Variants in KHDRBS2 observed in about 807,000 individuals in gnomAD.
The protein encoded by KHDRBS2 is KH RNA binding domain containing, signal transduction associated 2.
KHDRBS2 carries 26 observed loss-of-function variants against 44.3 expected under a neutral mutation model. That is an observed-to-expected ratio of 0.59 (90% CI 0.43 to 0.81). KHDRBS2 has a LOEUF of 0.81. Ranked by LOEUF, KHDRBS2 falls within the 40% of genes least tolerant of loss-of-function variation. The pLI is 0.00. For missense variants in KHDRBS2, 476 were observed against 433.1 expected (o/e 1.10, Z -0.88); for synonymous variants, 194 against 151.1 (o/e 1.28, Z -2.08).
the KHDRBS2 span, among the ~76,000 whole-genome samples, chr6:61,621,905 G>A: frequency 6.6e-6 from 1 of 152,148 alleles, no homozygotes; most frequent in Non-Finnish European, 1.5e-5. Context: ...AGGTATTTAG[G>A]TATTCTTTAG....
chr6:62,081,918 T>A (rs1797477399), intron 2 of KHDRBS2, among the ~76,000 whole-genome samples: 1 of 152,062 alleles, frequency 6.6e-6, no homozygotes, highest in Non-Finnish European at 1.5e-5. Flanking sequence ...AAAAGTCAGA[T>A]TTAAGTATTT....
chr6:61,852,775 A>G (rs1469959408), intron 6 of KHDRBS2, among the ~76,000 whole-genome samples: 1 of 152,160 alleles, frequency 6.6e-6, no homozygotes, highest in Non-Finnish European at 1.5e-5. Flanking sequence ...CACTTTTCTT[A>G]AATAATTTAT....
chr6:62,062,184 C>T (rs1374449274), intron 2 of KHDRBS2, among the ~76,000 whole-genome samples: 2 of 148,594 alleles, frequency 1.3e-5, no homozygotes, highest in Non-Finnish European at 3.0e-5. Context: ...TAATGGGAGA[C>T]TTTAACACCC....
chr6:61,765,691 T>A (rs899556676), intron 6 of KHDRBS2, among the ~76,000 whole-genome samples: 43 of 152,122 alleles, frequency 2.8e-4, no homozygotes, highest in East Asian at 3.9e-4. Context: ...AGGGTTTTTT[T>A]AAATCATAAA....
chr6:61,756,545 C>T (rs956652337), intron 6 of KHDRBS2, among the ~76,000 whole-genome samples: 2 of 152,200 alleles, frequency 1.3e-5, no homozygotes, highest in South Asian at 4.1e-4. Flanking sequence ...CAGGCATGAG[C>T]CACCATGCCC....
chr6:62,259,494 T>C (rs1418510776), intron 1 of KHDRBS2, among the ~76,000 whole-genome samples: 1 of 152,002 alleles, frequency 6.6e-6, no homozygotes, highest in Non-Finnish European at 1.5e-5. Flanking sequence ...ATTACTTCAT[T>C]ATATATTACT....
intron 6 of KHDRBS2, among the ~76,000 whole-genome samples, chr6:61,827,612 A>G (rs1791106544): frequency 2.0e-5 from 3 of 152,150 alleles, no homozygotes. Context: ...TTAACAAAAC[A>G]CCATAGACTG....
chr6:61,861,671 T>C (rs373319556), intron 6 of KHDRBS2, among the ~76,000 whole-genome samples: 155 of 149,504 alleles, frequency 1.0e-3, no homozygotes, highest in African/African-American at 3.4e-3. Flanking sequence ...TTTTTTTTTT[T>C]CTTAGGATTG....
chr6:62,063,081 AG>A (rs1483066848), intron 2 of KHDRBS2, among the ~76,000 whole-genome samples: 1 of 139,942 alleles, frequency 7.1e-6, no homozygotes, highest in African/African-American at 2.6e-5. Context: ...TAAACCAGGA[AG>A]AAGTTGAATC....
chr6:62,164,266 A>G (rs1019164291), intron 2 of KHDRBS2, among the ~76,000 whole-genome samples: 48 of 152,056 alleles, frequency 3.2e-4, no homozygotes, highest in African/African-American at 1.2e-3. Flanking sequence ...AATGGGAAGG[A>G]TAGTATTATT....
At chr6:61,616,835 A>C in the KHDRBS2 span, among the ~76,000 whole-genome samples, 1 of 152,166 alleles carries the variant, frequency 6.6e-6, no homozygotes, top group East Asian at 1.9e-4. Flanking sequence ...TTCCTCCCTG[A>C]CTTCCCAGTC....
intron 1 of KHDRBS2, among the ~76,000 whole-genome samples, chr6:62,177,967 C>A (rs145368381): frequency 0.012 from 1,812 of 151,440 alleles, 37 homozygotes; most frequent in African/African-American, 0.042. Flanking sequence ...ATTTTTGAAT[C>A]AATTTATTCC....
intron 2 of KHDRBS2, among the ~76,000 whole-genome samples, chr6:62,089,492 C>A (rs1799089202): frequency 6.6e-6 from 1 of 152,106 alleles, no homozygotes; most frequent in Non-Finnish European, 1.5e-5. Flanking sequence ...AGTTCCCTGA[C>A]CCCTTGCACT....
chr6:61,954,841 T>C lies in KHDRBS2; in HGVS notation c.483+23225A>G, dbSNP rs1282288598. Among the ~76,000 whole-genome samples the C allele has an allele frequency of 1.4e-4, 11 of 78,760 alleles. 2 individuals carry two copies. Among genetic ancestry groups the C allele is most frequent in the Non-Finnish European group, 2.9e-4 (11 of 38,426 alleles). 51.7% of individuals were successfully genotyped at this position (78,760 alleles called of 152,430 possible). On this transcript the variant is annotated intron_variant, in intron 4 of 8. Transcript: ENST00000281156. ...GTGTATATACACATGCATATGTATGTATACATATGCATGTGTATATACACA... is the reference window on the plus strand; with the variant it reads ...GTGTATATACACATGCATATGTATGCATACATATGCATGTGTATATACACA...
intron 6 of KHDRBS2, among the ~76,000 whole-genome samples, chr6:61,860,744 A>G (rs1245491499): frequency 6.6e-6 from 1 of 152,048 alleles, no homozygotes; most frequent in African/African-American, 2.4e-5. Context: ...CAGTAATGAA[A>G]TTGCTGGGTC....
chr6:61,918,107 T>C (rs1191147437), intron 4 of KHDRBS2, among the ~76,000 whole-genome samples: 2 of 151,976 alleles, frequency 1.3e-5, no homozygotes, highest in Non-Finnish European at 2.9e-5. Context: ...GGTTAAATGA[T>C]AAATGTGAGT....
intron 6 of KHDRBS2, among the ~76,000 whole-genome samples, chr6:61,739,196 C>T (rs979272695): frequency 2.0e-5 from 3 of 151,738 alleles, no homozygotes; most frequent in Admixed American, 6.6e-5. Flanking sequence ...ATTGCATTGC[C>T]ACAATAGAAT....
chr6:61,658,509 A>C, the KHDRBS2 span, among the ~76,000 whole-genome samples: 1 of 151,922 alleles, frequency 6.6e-6, no homozygotes, highest in Non-Finnish European at 1.5e-5. Flanking sequence ...CTGCATAATT[A>C]ACTTATCAAT....
At chr6:61,833,452 C>T (rs1210020471) in intron 6 of KHDRBS2, among the ~76,000 whole-genome samples, 1 of 152,102 alleles carries the variant, frequency 6.6e-6, no homozygotes, top group Non-Finnish European at 1.5e-5. Context: ...AGTTTCTTTT[C>T]CTATATAATA....
Sources: allele counts gnomAD v4.1 joint callset (sites outside exome capture counted in the v4.1 genomes callset), GRCh38; gene constraint gnomAD v4.1.1; transcripts MANE v1.5; gene names NCBI Gene and HGNC (gene_info 2026-07-23, HGNC 2026-07-21).